The following LRRC37A variants were observed in gnomAD, a reference collection of about 807,000 sequenced individuals.
LRRC37A encodes leucine-rich repeat-containing protein 37A.
LRRC37A carries 3 observed loss-of-function variants against 35.4 expected under a neutral mutation model. The observed-to-expected ratio is 0.08, with a 90% CI of 0.04 to 0.22. LRRC37A has a LOEUF of 0.22. LRRC37A is among the 10% of genes least tolerant of loss of function. The pLI is 1.00. For synonymous variants in LRRC37A, 23 were observed against 215.0 expected (o/e 0.11, Z 7.81); for missense variants, 67 against 565.3 (o/e 0.12, Z 8.94).
intron 5 of LRRC37A, among the ~76,000 whole-genome samples, chr17:46,317,235 C>A (rs2051207771): frequency 3.7e-5 from 3 of 81,456 alleles, no homozygotes; most frequent in African/African-American, 6.3e-5. Flanking sequence ...TACTCTATTG[C>A]CAGTGCTGGT....
At chr17:46,300,087 A>C (rs1261222877) in intron 2 of LRRC37A, among the ~76,000 whole-genome samples, 1 of 64,424 alleles carries the variant, frequency 1.6e-5, no homozygotes, top group African/African-American at 3.8e-5. Flanking sequence ...TACAAATAGT[A>C]CATGGTTATA....
chr17:46,277,637 T>TTTTCTTTTCTTTTCTTTTC, the LRRC37A span, among the ~76,000 whole-genome samples: 2 of 150,258 alleles, frequency 1.3e-5, no homozygotes, highest in African/African-American at 2.5e-5. Context: ...TTTTCTTTTC[T>TTTTCTTTTCTTTTCTTTTC]TTTCTTTCTT....
the LRRC37A span, among the ~76,000 whole-genome samples, chr17:46,270,642 C>G: frequency 6.6e-6 from 1 of 152,248 alleles, no homozygotes; most frequent in Non-Finnish European, 1.5e-5. Context: ...GGAGCTGTGA[C>G]TCACACCTGT....
upstream of LRRC37A, among the ~76,000 whole-genome samples, chr17:46,290,476 C>T (rs534881710): frequency 8.8e-4 from 134 of 152,228 alleles, 3 homozygotes; most frequent in Middle Eastern, 3.4e-3. Context: ...TTTTTTGTTT[C>T]GAGATGGAGT....
rs879436070 is a variant in LRRC37A, at chr17:46,326,631, C to G, written c.3054-1761C>G. Reference sequence around the variant, plus strand: ...TTATAGTTAACTCTTATTGAGCACTCACTGTGCACCAGGCATTTTTCAGGT... The same window carrying G: ...TTATAGTTAACTCTTATTGAGCACTGACTGTGCACCAGGCATTTTTCAGGT... On this transcript the variant is annotated intron_variant, in intron 7 of 13. Transcript: ENST00000320254. Among the ~76,000 whole-genome samples, 14 of 2,294 alleles carry G rather than the reference C, an allele frequency of 6.1e-3. 1 individual carries two copies. Among genetic ancestry groups the G allele is most frequent in the African/African-American group, 0.028 (9 of 324 alleles). 1.5% of individuals were successfully genotyped at this position (2,294 alleles called of 152,430 possible).
the LRRC37A span, among the ~76,000 whole-genome samples, chr17:46,276,356 A>AT: frequency 1.6e-3 from 247 of 152,374 alleles, 2 homozygotes; most frequent in African/African-American, 5.7e-3. Context: ...GCTAGAATAA[A>AT]TTTTTTACCA....
At chr17:46,291,607 T>C (rs573000886), upstream of LRRC37A, among the ~76,000 whole-genome samples, 13 of 151,300 alleles carry the variant, frequency 8.6e-5, no homozygotes, top group East Asian at 2.3e-3. Context: ...TGTTTGAAAA[T>C]GAAAATGTGT....
At chr17:46,289,711 GATT>G (rs1341184723), upstream of LRRC37A, among the ~76,000 whole-genome samples, 1 of 152,132 alleles carries the variant, frequency 6.6e-6, no homozygotes, top group Non-Finnish European at 1.5e-5. Context: ...GTTTCATCAT[GATT>G]ATTTTTCTTC....
At chr17:46,262,078 C>T in the LRRC37A span, among the ~76,000 whole-genome samples, 3 of 152,142 alleles carry the variant, frequency 2.0e-5, no homozygotes, top group Non-Finnish European at 4.4e-5. Context: ...GCCTCCTGAG[C>T]AGCTGGGACT....
intron 5 of LRRC37A, among the ~76,000 whole-genome samples, chr17:46,317,146 G>A (rs1466346210): frequency 3.6e-5 from 3 of 82,568 alleles, no homozygotes; most frequent in Admixed American, 1.3e-4. Context: ...CAGATGGGGT[G>A]GCGGCCGGGC....
At chr17:46,265,649 T>C in the LRRC37A span, among the ~76,000 whole-genome samples, 5 of 151,910 alleles carry the variant, frequency 3.3e-5, no homozygotes, top group African/African-American at 1.2e-4. Context: ...GGCTAATTTT[T>C]GTATTTTTTG....
the LRRC37A span, among the ~76,000 whole-genome samples, chr17:46,278,961 C>A: frequency 1.3e-4 from 19 of 151,932 alleles, 1 homozygote; most frequent in Admixed American, 1.2e-3. Flanking sequence ...CCACGCCTAG[C>A]TAATTTTTGT....
chr17:46,252,479 G>C, the LRRC37A span, among the ~76,000 whole-genome samples: 2 of 147,968 alleles, frequency 1.4e-5, no homozygotes, highest in Non-Finnish European at 3.1e-5. Context: ...AGATAAACAA[G>C]TGAACAAAGG....
At chr17:46,255,311 G>C in the LRRC37A span, among the ~76,000 whole-genome samples, 2 of 151,756 alleles carry the variant, frequency 1.3e-5, no homozygotes, top group Admixed American at 1.3e-4. Flanking sequence ...GAATCAATAA[G>C]GATGGAAGGC....
the LRRC37A span, among the ~76,000 whole-genome samples, chr17:46,251,691 T>C: frequency 3.3e-5 from 5 of 151,018 alleles, no homozygotes; most frequent in African/African-American, 9.7e-5. Context: ...ACACTATTGA[T>C]AGGCCACATT....
chr17:46,252,668 T>C, the LRRC37A span, among the ~76,000 whole-genome samples: 1 of 150,780 alleles, frequency 6.6e-6, no homozygotes, highest in Non-Finnish European at 1.5e-5. Flanking sequence ...CAGCACATGT[T>C]TCAGAGAGCA....
chr17:46,267,181 G>A, the LRRC37A span: 7 of 585,190 alleles, frequency 1.2e-5, no homozygotes, highest in Non-Finnish European at 2.0e-5. Context: ...CCGCCGCCCC[G>A]CGAGCCTTTC....
the LRRC37A span, among the ~76,000 whole-genome samples, chr17:46,278,308 C>G: frequency 6.6e-6 from 1 of 152,172 alleles, no homozygotes; most frequent in African/African-American, 2.4e-5. Context: ...CCTGTGATGG[C>G]AAATGAGAGC....
At chr17:46,286,687 G>A in the LRRC37A span, among the ~76,000 whole-genome samples, 3 of 152,230 alleles carry the variant, frequency 2.0e-5, no homozygotes, top group South Asian at 4.1e-4. Flanking sequence ...TAATGTAAGT[G>A]TATAACAAAT....
Sources: gnomAD v4.1 joint callset for allele counts (sites outside exome capture counted in the v4.1 genomes callset) on GRCh38, gnomAD v4.1.1 for gene constraint, MANE v1.5 for transcripts, NCBI Gene and HGNC (gene_info 2026-07-23, HGNC 2026-07-21) for gene names.